Variants in L3MBTL4 observed in about 807,000 individuals in gnomAD.
The protein encoded by L3MBTL4 is lethal(3)malignant brain tumor-like protein 4.
In L3MBTL4, 70 loss-of-function variants were observed where a neutral mutation model predicts 84.5. The observed-to-expected ratio is 0.83, with a 90% CI of 0.68 to 1.01. The LOEUF is 1.01. Among genes scored for constraint, L3MBTL4 ranks in the 50% least tolerant of loss-of-function variants. The pLI, the probability that L3MBTL4 is intolerant of heterozygous loss-of-function variation, is 0.00. For missense variants in L3MBTL4, 715 were observed against 754.8 expected (o/e 0.95, Z 0.62); for synonymous variants, 274 against 259.8 (o/e 1.05, Z -0.52).
chr18:6,362,370 G>A (rs557147089), intron 1 of L3MBTL4, among the ~76,000 whole-genome samples: 3 of 152,144 alleles, frequency 2.0e-5, no homozygotes, highest in Non-Finnish European at 4.4e-5. Context: ...AGGACATGAA[G>A]AGACCAGCAC....
intron 12 of L3MBTL4, among the ~76,000 whole-genome samples, chr18:6,186,727 T>G (rs917015086): frequency 6.6e-6 from 1 of 151,912 alleles, no homozygotes; most frequent in Non-Finnish European, 1.5e-5. Context: ...TTCCGGTTGG[T>G]GGATAAAGAT....
Position 6,311,899 on chromosome 18 carries a change from G to A in L3MBTL4, c.-32+99C>T, listed in dbSNP as rs139202316. On this transcript the variant is annotated intron_variant, in intron 2 of 18. Transcript: ENST00000317931. ...TATCATGGGGAAAATAGATATTATT[G>A]CTTTTGGTCTTATCTGGGATAAAAT... The A allele has an allele frequency of 6.1e-3, 1,993 of 325,480 alleles. 30 individuals carry two copies. Among genetic ancestry groups the A allele is most frequent in the African/African-American group, 0.04 (1,880 of 46,786 alleles). 20.2% of individuals were successfully genotyped at this position (325,480 alleles called of 1,614,324 possible). A position where few individuals can be genotyped will look rare whatever the true frequency, so the allele number is the denominator to read the frequency against.
intron 16 of L3MBTL4, among the ~76,000 whole-genome samples, chr18:5,978,095 C>T (rs867833755): frequency 6.6e-6 from 1 of 152,196 alleles, no homozygotes; most frequent in Non-Finnish European, 1.5e-5. Context: ...AATTGTACTG[C>T]AGGGATAGAT....
At chr18:6,390,144 G>C (rs1389663553) in intron 1 of L3MBTL4, among the ~76,000 whole-genome samples, 1 of 151,774 alleles carries the variant, frequency 6.6e-6, no homozygotes, top group African/African-American at 2.4e-5. Context: ...ACTCCAAAAG[G>C]AGCCCTCAAG....
rs931598737 is a variant in L3MBTL4, at chr18:6,318,996, T to C, written c.-90-6940A>G. ...ACAAAGAACCTCAAAGCTATATAAA[T>C]ACATGGAAAGTAAACAATCTGCCCA... is the stretch of plus-strand genomic sequence containing the variant. On this transcript the variant is annotated intron_variant, in intron 1 of 18. Coordinates refer to ENST00000317931, the MANE Select transcript of L3MBTL4 (RefSeq NM_001330559.2). Among the ~76,000 whole-genome samples, 4 of 152,132 alleles carry C rather than the reference T, an allele frequency of 2.6e-5. No homozygotes were observed. The East Asian group carries it at 5.8e-4, about 22-fold the overall frequency.
At chr18:6,392,947 A>G (rs530588274) in intron 1 of L3MBTL4, among the ~76,000 whole-genome samples, 15 of 152,282 alleles carry the variant, frequency 9.9e-5, no homozygotes, top group Admixed American at 9.2e-4. Flanking sequence ...AGGAAATGAG[A>G]GACAAAAAAA....
chr18:6,027,051 G>A (rs1262675554), intron 16 of L3MBTL4, among the ~76,000 whole-genome samples: 1 of 152,028 alleles, frequency 6.6e-6, no homozygotes, highest in Admixed American at 6.6e-5. Flanking sequence ...TTAAGTTCTG[G>A]GATACATGTG....
At chr18:6,383,277 T>C (rs916205762) in intron 1 of L3MBTL4, among the ~76,000 whole-genome samples, 2 of 152,076 alleles carry the variant, frequency 1.3e-5, no homozygotes, top group Non-Finnish European at 2.9e-5. Flanking sequence ...TGAGCCAGAC[T>C]CCTTGGCTCC....
chr18:6,232,853 T>C (rs2047053385), intron 10 of L3MBTL4, among the ~76,000 whole-genome samples: 1 of 152,112 alleles, frequency 6.6e-6, no homozygotes, highest in African/African-American at 2.4e-5. Flanking sequence ...ACAACAGTCA[T>C]AAAAAATAAC....
At chr18:6,369,832 T>C (rs2054083668) in intron 1 of L3MBTL4, among the ~76,000 whole-genome samples, 1 of 152,064 alleles carries the variant, frequency 6.6e-6, no homozygotes, top group African/African-American at 2.4e-5. Flanking sequence ...GGTAGTAAAA[T>C]GCCTTATAAA....
chr18:5,978,832 C>T (rs1392965126), intron 16 of L3MBTL4, among the ~76,000 whole-genome samples: 1 of 152,190 alleles, frequency 6.6e-6, no homozygotes, highest in African/African-American at 2.4e-5. Flanking sequence ...GGCACCCAGG[C>T]CTACGGTGGA....
chr18:6,195,582 C>T (rs650784), intron 12 of L3MBTL4, among the ~76,000 whole-genome samples: 1 of 152,228 alleles, frequency 6.6e-6, no homozygotes, highest in African/African-American at 2.4e-5. Flanking sequence ...ACACAAATGT[C>T]TGCAAACAGC....
chr18:6,261,956 T>C (rs759329243), intron 5 of L3MBTL4, among the ~76,000 whole-genome samples: 12 of 152,208 alleles, frequency 7.9e-5, no homozygotes, highest in Non-Finnish European at 1.3e-4. Flanking sequence ...TCTGATTTAA[T>C]TCTGGCGGCA....
At chr18:6,196,223 T>C (rs1285458838) in intron 12 of L3MBTL4, among the ~76,000 whole-genome samples, 1 of 148,326 alleles carries the variant, frequency 6.7e-6, no homozygotes, top group African/African-American at 2.6e-5. Flanking sequence ...AGTGGCATGA[T>C]CTCAGCTCAC....
At chr18:6,241,788 G>A (rs562896538) in intron 7 of L3MBTL4, among the ~76,000 whole-genome samples, 2 of 152,170 alleles carry the variant, frequency 1.3e-5, no homozygotes, top group Non-Finnish European at 2.9e-5. Context: ...CTGGTGGCCT[G>A]ATGGGAGTCT....
intron 4 of L3MBTL4, among the ~76,000 whole-genome samples, chr18:6,295,309 A>ACAACAACTCT (rs1555719506): frequency 1.6e-5 from 1 of 62,738 alleles, no homozygotes; most frequent in Non-Finnish European, 3.0e-5. Context: ...AACAACAACA[A>ACAACAACTCT]CTCTCTCTCT....
At chr18:6,326,122 T>C (rs1339419404) in intron 1 of L3MBTL4, among the ~76,000 whole-genome samples, 1 of 152,202 alleles carries the variant, frequency 6.6e-6, no homozygotes, top group Non-Finnish European at 1.5e-5. Context: ...TCCTCCATCT[T>C]ACTCCTTCTT....
At chr18:6,230,493 T>G (rs2046953907) in intron 10 of L3MBTL4, among the ~76,000 whole-genome samples, 1 of 152,172 alleles carries the variant, frequency 6.6e-6, no homozygotes, top group African/African-American at 2.4e-5. Context: ...TGACAGGCAT[T>G]TGAGTTGACT....
At chr18:6,222,313 G>A (rs1351383548) in intron 10 of L3MBTL4, among the ~76,000 whole-genome samples, 2 of 152,150 alleles carry the variant, frequency 1.3e-5, no homozygotes, top group Non-Finnish European at 2.9e-5. Flanking sequence ...AGCACCTCAG[G>A]AGCTTGTCAA....
Sources: allele counts gnomAD v4.1 joint callset (sites outside exome capture counted in the v4.1 genomes callset), GRCh38; gene constraint gnomAD v4.1.1; transcripts MANE v1.5; gene names NCBI Gene and HGNC (gene_info 2026-07-23, HGNC 2026-07-21).